ROBO2: variants seen among roughly 807,000 people sequenced by gnomAD.
ROBO2 encodes roundabout guidance receptor 2.
A neutral mutation model predicts 160.8 loss-of-function variants in ROBO2; 53 were observed. That is an observed-to-expected ratio of 0.33 (90% CI 0.26 to 0.41). The LOEUF is 0.41. ROBO2 is among the 10% of genes least tolerant of loss of function. The pLI, the probability that ROBO2 is intolerant of heterozygous loss-of-function variation, is 1.00. For synonymous variants in ROBO2, 664 were observed against 611.7 expected, an observed-to-expected ratio of 1.09 and a Z score of -1.26; for missense variants, 1,577 against 1,722.4, an observed-to-expected ratio of 0.92 and a Z score of 1.49.
intron 2 of ROBO2, among the ~76,000 whole-genome samples, chr3:77,013,994 CTA>C (rs1404353045): frequency 1.3e-5 from 2 of 152,076 alleles, no homozygotes; most frequent in Admixed American, 6.6e-5. Context: ...TCAACAGACT[CTA>C]AACTTTAAAT....
At chr3:77,094,324 A>G (rs1308447881) in intron 1 of ROBO2, among the ~76,000 whole-genome samples, 1 of 152,206 alleles carries the variant, frequency 6.6e-6, no homozygotes, top group Non-Finnish European at 1.5e-5. Flanking sequence ...TATTATTAAT[A>G]CTTCATTTTT....
At chr3:77,252,409 T>A (rs1202084316) in intron 2 of ROBO2, among the ~76,000 whole-genome samples, 1 of 152,112 alleles carries the variant, frequency 6.6e-6, no homozygotes, top group African/African-American at 2.4e-5. Context: ...CAAAAACAAT[T>A]ACTGACTCAG....
chr3:76,648,441 A>G (rs1007740664), intron 2 of ROBO2, among the ~76,000 whole-genome samples: 2 of 152,172 alleles, frequency 1.3e-5, no homozygotes, highest in African/African-American at 4.8e-5. Context: ...ACGATCTTTG[A>G]TTCAATCTTG....
chr3:76,645,894 G>A (rs931108957), intron 2 of ROBO2, among the ~76,000 whole-genome samples: 2 of 152,132 alleles, frequency 1.3e-5, no homozygotes, highest in Admixed American at 6.5e-5. Context: ...CATGTATTGT[G>A]TACAAGGAGC....
At chr3:77,024,647 T>C (rs1218502673) in intron 2 of ROBO2, among the ~76,000 whole-genome samples, 1 of 152,102 alleles carries the variant, frequency 6.6e-6, no homozygotes, top group Non-Finnish European at 1.5e-5. Context: ...TAACTAAGAG[T>C]TGGAGATTTG....
At chr3:77,563,471 T>C in intron 11 of ROBO2, 142 bp downstream of exon 12, 1 of 855,752 alleles carries the variant, frequency 1.2e-6, no homozygotes, top group Non-Finnish European at 1.9e-6. Context: ...TCTGACTTTA[T>C]TCAAGAACAG....
intron 6 of ROBO2, among the ~76,000 whole-genome samples, chr3:77,537,589 A>C (rs539599792): frequency 1.4e-4 from 21 of 152,296 alleles, no homozygotes; most frequent in Admixed American, 1.3e-3. Flanking sequence ...TCATTTTGAC[A>C]TTGAAGAAGC....
intron 2 of ROBO2, among the ~76,000 whole-genome samples, chr3:76,491,745 C>T (rs2079836251): frequency 6.6e-6 from 1 of 152,076 alleles, no homozygotes; most frequent in Non-Finnish European, 1.5e-5. Flanking sequence ...TTCTTATATT[C>T]TCCCCTCTTT....
At chr3:76,974,714 G>A (rs535175249) in intron 2 of ROBO2, among the ~76,000 whole-genome samples, 1 of 152,212 alleles carries the variant, frequency 6.6e-6, no homozygotes, top group African/African-American at 2.4e-5. Context: ...TTTGTTGCTC[G>A]AAATGTGCCT....
intron 2 of ROBO2, among the ~76,000 whole-genome samples, chr3:77,339,663 C>A (rs1186318612): frequency 6.6e-6 from 1 of 151,920 alleles, no homozygotes; most frequent in African/African-American, 2.4e-5. Flanking sequence ...CTCCAAAAAG[C>A]CATTATTATC....
At chr3:77,124,185 A>G (rs2150297216) in intron 2 of ROBO2, among the ~76,000 whole-genome samples, 1 of 152,266 alleles carries the variant, frequency 6.6e-6, no homozygotes, top group South Asian at 2.1e-4. Flanking sequence ...TTATTTTTGT[A>G]GGATCAGGGA....
At chr3:77,311,344 A>G (rs2063528033) in intron 2 of ROBO2, among the ~76,000 whole-genome samples, 1 of 152,200 alleles carries the variant, frequency 6.6e-6, no homozygotes, top group Non-Finnish European at 1.5e-5. Flanking sequence ...TGTCTTATAC[A>G]TGATTTGTCA....
intron 2 of ROBO2, among the ~76,000 whole-genome samples, chr3:77,220,089 C>T (rs2085581761): frequency 6.6e-6 from 1 of 152,074 alleles, no homozygotes; most frequent in Non-Finnish European, 1.5e-5. Context: ...CAGCTCACTG[C>T]AACCTCCGCC....
At chr3:77,366,385 G>A (rs2070875018) in intron 2 of ROBO2, among the ~76,000 whole-genome samples, 1 of 152,026 alleles carries the variant, frequency 6.6e-6, no homozygotes, top group South Asian at 2.1e-4. Flanking sequence ...AGTGCCCTTA[G>A]AAAGGAGGGC....
At chr3:76,993,545 C>A (rs763587234) in intron 2 of ROBO2, among the ~76,000 whole-genome samples, 1 of 152,030 alleles carries the variant, frequency 6.6e-6, no homozygotes, top group Non-Finnish European at 1.5e-5. Context: ...TTTAAAAAAA[C>A]AAATGCAGGT....
At chr3:77,081,718 C>T (rs556595413) in intron 1 of ROBO2, among the ~76,000 whole-genome samples, 1 of 152,242 alleles carries the variant, frequency 6.6e-6, no homozygotes, top group South Asian at 2.1e-4. Flanking sequence ...ATTCTATGAG[C>T]AATGAGCTCT....
intron 1 of ROBO2, among the ~76,000 whole-genome samples, chr3:77,080,382 T>C (rs982016162): frequency 1.3e-5 from 2 of 152,104 alleles, no homozygotes; most frequent in Admixed American, 1.3e-4. Flanking sequence ...GGAATACAAA[T>C]TGGATTAAAA....
chr3:76,509,333 C>G (rs529131675), intron 2 of ROBO2, among the ~76,000 whole-genome samples: 17 of 152,048 alleles, frequency 1.1e-4, no homozygotes, highest in Non-Finnish European at 1.9e-4. Flanking sequence ...CCTGGTGGAG[C>G]AGAGCCAGAG....
chr3:77,326,098 G>A (rs892875386), intron 2 of ROBO2, among the ~76,000 whole-genome samples: 1 of 152,146 alleles, frequency 6.6e-6, no homozygotes, highest in Admixed American at 6.5e-5. Flanking sequence ...CTCACTGAAT[G>A]AAAAATGGAA....
Sources: gnomAD v4.1 joint callset for allele counts (sites outside exome capture counted in the v4.1 genomes callset) on GRCh38, gnomAD v4.1.1 for gene constraint, MANE v1.5 for transcripts, NCBI Gene and HGNC (gene_info 2026-07-23, HGNC 2026-07-21) for gene names.